RAPH1: variants seen among roughly 807,000 people sequenced by gnomAD.
RAPH1 encodes Ras association (RalGDS/AF-6) and pleckstrin homology domains 1.
Under a neutral mutation model 88.1 loss-of-function variants are expected in RAPH1, and 18 were observed. The observed-to-expected ratio is 0.20, with a 90% CI of 0.14 to 0.30. The LOEUF (loss-of-function observed/expected upper bound fraction) is 0.30. RAPH1 is among the 10% of genes least tolerant of loss of function. The pLI, the probability that RAPH1 is intolerant of heterozygous loss-of-function variation, is 1.00. For synonymous variants in RAPH1, 587 were observed against 559.0 expected, an observed-to-expected ratio of 1.05 and a Z score of -0.71; for missense variants, 1,448 against 1,543.2, an observed-to-expected ratio of 0.94 and a Z score of 1.03.
intron 1 of RAPH1, among the ~76,000 whole-genome samples, chr2:203,529,005 ATTTTTTTT>A (rs66832810): frequency 9.7e-5 from 4 of 41,150 alleles, no homozygotes; most frequent in African/African-American, 3.6e-4. Flanking sequence ...ATATATATAT[ATTTTTTTT>A]TTTTTTTTTT....
intron 4 of RAPH1, among the ~76,000 whole-genome samples, chr2:203,472,235 C>T (rs746713640): frequency 2.6e-5 from 4 of 151,880 alleles, no homozygotes; most frequent in Admixed American, 6.6e-5. Context: ...CAGCTTCAGG[C>T]GCTTCTCCTG....
At chr2:203,492,055 G>A (rs1328446248) in intron 2 of RAPH1, among the ~76,000 whole-genome samples, 2 of 151,876 alleles carry the variant, frequency 1.3e-5, no homozygotes, top group East Asian at 3.9e-4. Context: ...CCAACGGGGC[G>A]AAACCCCATC....
intron 1 of RAPH1, among the ~76,000 whole-genome samples, chr2:203,513,561 C>T (rs1009404847): frequency 2.1e-5 from 3 of 146,198 alleles, no homozygotes; most frequent in Non-Finnish European, 3.0e-5. Flanking sequence ...AAAGGCCAGG[C>T]GCGGTGGCTC....
At chr2:203,453,099 G>T (rs1446920900) in intron 10 of RAPH1, among the ~76,000 whole-genome samples, 1 of 152,144 alleles carries the variant, frequency 6.6e-6, no homozygotes, top group Admixed American at 6.5e-5. Context: ...TTGACATCAT[G>T]GTCTTAGGGA....
rs1375654161 is a variant in RAPH1, at chr2:203,512,764, C to A, written c.1-17411G>T. On this transcript the variant is annotated intron_variant, in intron 1 of 13. Transcript: ENST00000319170. ...TCAGCCTCCCAAGTAGCTGGGATTA[C>A]AGGCACATGCCACCATGCCTGGCTA... 5.9e-5 allele frequency among the ~76,000 whole-genome samples: 9 copies of A among 151,732 alleles called. No individual in the cohort carries two copies. The East Asian group carries it at 1.7e-3, about 29-fold the overall frequency.
In RAPH1 at chr2:203,434,700, AG is replaced by A. The variant is rs1446057377; in HGVS notation, c.*4736del. The A allele has an allele frequency of 6.6e-6, 1 of 152,418 alleles. No individual in the cohort carries two copies. The highest frequency in any genetic ancestry group is 1.9e-4 in the East Asian group (1 of 5,190). 9.4% of individuals were successfully genotyped at this position (152,418 alleles called of 1,614,324 possible). A position where few individuals can be genotyped will look rare whatever the true frequency, so the allele number is the denominator to read the frequency against. On this transcript the variant is annotated 3_prime_UTR_variant, in exon 14 of 14. Coordinates refer to ENST00000319170, the MANE Select transcript of RAPH1 (RefSeq NM_213589.3). ...TTCTCCCCCTTTAGTGCTGCAGACAAGTTTTACTGCCTAAGACGTTGAGGCT... is the reference window on the plus strand; with the variant it reads ...TTCTCCCCCTTTAGTGCTGCAGACAATTTTACTGCCTAAGACGTTGAGGCT...
intron 2 of RAPH1, among the ~76,000 whole-genome samples, chr2:203,494,014 A>C (rs1299715236): frequency 6.6e-6 from 1 of 151,372 alleles, no homozygotes; most frequent in Non-Finnish European, 1.5e-5. Context: ...AAGAAAAAAA[A>C]AAATCCCCCC....
rs543981458 is a variant in RAPH1 at position 203,439,535 on chromosome 2, C to T, written c.3655G>A (p.Gly1219Arg). Residue 1219 changes from glycine to arginine, a missense_variant, in exon 14 of 14, where the codon GGA becomes AGA. By Grantham distance (125) the Gly-to-Arg change is moderately radical. Transcript: ENST00000319170. ...LLSDQQKAGYGGSHISGYATL... is the reference protein window; with the variant it reads ...LLSDQQKAGYRGSHISGYATL... ...GCATAGCCTGATATATGACTGCCTC[C>T]GTAACCAGCCTTCTGTTGATCAGAC... 2.5e-6 allele frequency: 4 copies of T among 1,614,138 alleles called. No homozygotes were observed. Among genetic ancestry groups the T allele is most frequent in the East Asian group, 2.2e-5 (1 of 44,888 alleles).
chr2:203,527,036 G>A (rs530715177), intron 1 of RAPH1, among the ~76,000 whole-genome samples: 135 of 152,106 alleles, frequency 8.9e-4, no homozygotes, highest in African/African-American at 3.1e-3. Flanking sequence ...CGCCCACCTT[G>A]GCCTCCCAAA....
At chr2:203,515,096 T>C (rs1285888451) in intron 1 of RAPH1, among the ~76,000 whole-genome samples, 1 of 152,084 alleles carries the variant, frequency 6.6e-6, no homozygotes, top group African/African-American at 2.4e-5. Flanking sequence ...TTTTGAAAAG[T>C]AGGAAAGTAG....
intron 1 of RAPH1, among the ~76,000 whole-genome samples, chr2:203,514,586 G>A (rs1252900174): frequency 4.6e-5 from 7 of 151,656 alleles, no homozygotes; most frequent in African/African-American, 1.7e-4. Flanking sequence ...ACGGAGTCTC[G>A]CTGTGTCGCC....
At chr2:203,517,049 AAAG>A (rs1689646721) in intron 1 of RAPH1, among the ~76,000 whole-genome samples, 1 of 131,688 alleles carries the variant, frequency 7.6e-6, no homozygotes. Context: ...AAAAAAAAAT[AAAG>A]AAAGAAAGAA....
intron 4 of RAPH1, among the ~76,000 whole-genome samples, chr2:203,466,747 T>C (rs2098528789): frequency 6.6e-6 from 1 of 152,204 alleles, no homozygotes; most frequent in African/African-American, 2.4e-5. Context: ...CAATCTATTT[T>C]CTACTGAAAA....
At chr2:203,444,200 G>A (rs1039574626) in intron 13 of RAPH1, 1 of 152,298 alleles carries the variant, frequency 6.6e-6, no homozygotes, top group African/African-American at 2.4e-5. Flanking sequence ...CTGGGAGGCT[G>A]AGGCAGGTGG....
chr2:203,500,403 G>T (rs1688690160), intron 1 of RAPH1, among the ~76,000 whole-genome samples: 1 of 152,118 alleles, frequency 6.6e-6, no homozygotes, highest in Non-Finnish European at 1.5e-5. Flanking sequence ...TAGGATGGGT[G>T]GTACAGACTC....
At chr2:203,512,355 CAA>C (rs371978714) in intron 1 of RAPH1, among the ~76,000 whole-genome samples, 9 of 103,568 alleles carry the variant, frequency 8.7e-5, no homozygotes, top group Middle Eastern at 5.7e-3. Flanking sequence ...GACTCTGTCT[CAA>C]AAAAAAAAAA....
chr2:203,527,368 C>T (rs954123497), intron 1 of RAPH1, among the ~76,000 whole-genome samples: 2 of 151,988 alleles, frequency 1.3e-5, no homozygotes, highest in Admixed American at 1.3e-4. Flanking sequence ...TATTGTGAGG[C>T]TAGAGTGATA....
intron 4 of RAPH1, among the ~76,000 whole-genome samples, chr2:203,487,082 A>C (rs1040364383): frequency 6.6e-6 from 1 of 152,208 alleles, no homozygotes; most frequent in African/African-American, 2.4e-5. Flanking sequence ...ATTTGCCCCT[A>C]TACTGTATGA....
Position 203,506,725 on chromosome 2 carries a change from C to CATATAT in RAPH1, c.1-11378_1-11373dup, listed in dbSNP as rs1391427297. 1.4e-4 allele frequency among the ~76,000 whole-genome samples: 18 copies of CATATAT among 125,302 alleles called. 1 individual carries two copies. The highest frequency in any genetic ancestry group is 4.7e-4 in the Admixed American group (6 of 12,854). The allele number at this position is 125,302 out of a possible 152,430, so 82.2% of individuals were successfully genotyped here. ...AAATTATAATCCACTGACTAAAATC[C>CATATAT]ATATATAGATATATATCTATATATA... On this transcript the variant is annotated intron_variant, in intron 1 of 13. Transcript: ENST00000319170.
Sources: gnomAD v4.1 joint callset for allele counts (sites outside exome capture counted in the v4.1 genomes callset) on GRCh38, gnomAD v4.1.1 for gene constraint, MANE v1.5 for transcripts, NCBI Gene and HGNC (gene_info 2026-07-23, HGNC 2026-07-21) for gene names.